The following PDE7B variants were observed in gnomAD, a reference collection of about 807,000 sequenced individuals.
PDE7B encodes 3',5'-cyclic-AMP phosphodiesterase 7B.
A neutral mutation model predicts 56.2 loss-of-function variants in PDE7B; 29 were observed. The ratio of observed to expected loss-of-function variants is 0.52; its 90% CI spans 0.38 to 0.70. The LOEUF is 0.70. PDE7B is among the 30% of genes least tolerant of loss of function. PDE7B has a pLI of 0.00. For synonymous variants in PDE7B, 197 were observed against 196.9 expected (o/e 1.00, Z 0.00); for missense variants, 490 against 565.0 (o/e 0.87, Z 1.35).
chr6:136,094,430 T>C (rs1777441038), intron 2 of PDE7B, among the ~76,000 whole-genome samples: 1 of 152,178 alleles, frequency 6.6e-6, no homozygotes, highest in African/African-American at 2.4e-5. Context: ...CTTGTTGTCC[T>C]GGATTTGCTG....
At chr6:135,908,580 G>A (rs1001108620) in intron 1 of PDE7B, among the ~76,000 whole-genome samples, 1 of 152,108 alleles carries the variant, frequency 6.6e-6, no homozygotes, top group African/African-American at 2.4e-5. Flanking sequence ...CAACTGAAAT[G>A]TCTACCAAGA....
At chr6:135,882,371 T>C (rs1382161870) in intron 1 of PDE7B, among the ~76,000 whole-genome samples, 1 of 152,122 alleles carries the variant, frequency 6.6e-6, no homozygotes, top group Non-Finnish European at 1.5e-5. Flanking sequence ...TATTTCCAAC[T>C]TTCTCTCCCT....
At chr6:135,975,837 G>A (rs868853475) in intron 2 of PDE7B, among the ~76,000 whole-genome samples, 7 of 152,084 alleles carry the variant, frequency 4.6e-5, no homozygotes, top group Non-Finnish European at 8.8e-5. Context: ...AGTCAGGACT[G>A]GGACAGTTGG....
At chr6:136,187,323 G>A (rs1180851145) in intron 12 of PDE7B, among the ~76,000 whole-genome samples, 2 of 152,176 alleles carry the variant, frequency 1.3e-5, no homozygotes, top group Non-Finnish European at 2.9e-5. Flanking sequence ...ACCTAGGATC[G>A]AAGCTTTGTT....
intron 6 of PDE7B, among the ~76,000 whole-genome samples, chr6:136,153,726 T>C (rs886628491): frequency 2.0e-5 from 3 of 152,170 alleles, no homozygotes; most frequent in Non-Finnish European, 2.9e-5. Flanking sequence ...GAAACTCAAT[T>C]AAACTATAGT....
At chr6:135,881,778 T>C (rs1775616139) in intron 1 of PDE7B, among the ~76,000 whole-genome samples, 1 of 152,228 alleles carries the variant, frequency 6.6e-6, no homozygotes, top group Admixed American at 6.5e-5. Context: ...CATGGGATTT[T>C]ATTTTAGAAG....
At chr6:135,895,182 G>A (rs533303722) in intron 1 of PDE7B, among the ~76,000 whole-genome samples, 17 of 152,182 alleles carry the variant, frequency 1.1e-4, no homozygotes, top group African/African-American at 2.2e-4. Context: ...TTGCCCATTG[G>A]CTTTTAGAAG....
chr6:135,864,940 C>T (rs1187574323), intron 1 of PDE7B, among the ~76,000 whole-genome samples: 1 of 121,322 alleles, frequency 8.2e-6, no homozygotes, highest in East Asian at 3.0e-4. Context: ...ATCCCTCCCC[C>T]CTCCCCCCAC....
intron 2 of PDE7B, among the ~76,000 whole-genome samples, chr6:136,058,897 A>G (rs1051464531): frequency 1.3e-5 from 2 of 152,248 alleles, no homozygotes; most frequent in Admixed American, 6.5e-5. Flanking sequence ...AGTGATTTAT[A>G]TAACGAATAG....
chr6:136,148,992 C>G, intron 4 of PDE7B, 95 bp from the exon 5 acceptor site: 1 of 871,342 alleles, frequency 1.1e-6, no homozygotes, highest in Non-Finnish European at 1.9e-6. Flanking sequence ...CTAGGATTTT[C>G]AACTTTTTAA....
intron 3 of PDE7B, among the ~76,000 whole-genome samples, chr6:136,122,404 T>A (rs1187469758): frequency 2.0e-5 from 3 of 152,210 alleles, no homozygotes; most frequent in African/African-American, 7.2e-5. Flanking sequence ...CTGCTTAATA[T>A]TAAAACTAAG....
intron 2 of PDE7B, among the ~76,000 whole-genome samples, chr6:136,043,442 A>G (rs1220298662): frequency 6.6e-6 from 1 of 151,828 alleles, no homozygotes; most frequent in Non-Finnish European, 1.5e-5. Context: ...TAAATTCTGC[A>G]TCTCCATTAC....
At chr6:136,063,941 C>A (rs1016566881) in intron 2 of PDE7B, among the ~76,000 whole-genome samples, 1 of 152,158 alleles carries the variant, frequency 6.6e-6, no homozygotes, top group African/African-American at 2.4e-5. Context: ...AATTCCCCTC[C>A]AACACCCATT....
At chr6:136,187,160 C>T (rs746112934) in intron 12 of PDE7B, 44 bp downstream of exon 12, 6 of 949,312 alleles carry the variant, frequency 6.3e-6, no homozygotes, top group South Asian at 4.2e-5. Flanking sequence ...ACCTTTGGCA[C>T]ATCTCACAAA....
intron 3 of PDE7B, among the ~76,000 whole-genome samples, chr6:136,139,700 T>G (rs958106715): frequency 1.1e-4 from 17 of 152,218 alleles, no homozygotes; most frequent in Non-Finnish European, 2.9e-5. Flanking sequence ...TGGTTTTGAT[T>G]TGCATTTCTC....
intron 1 of PDE7B, among the ~76,000 whole-genome samples, chr6:135,877,239 A>G (rs867890877): frequency 2.0e-4 from 30 of 149,590 alleles, no homozygotes; most frequent in South Asian, 1.3e-3. Context: ...TTCTTGATGG[A>G]TTTCCTTTCT....
At chr6:135,983,170 A>G (rs1221455866) in intron 2 of PDE7B, among the ~76,000 whole-genome samples, 3 of 152,198 alleles carry the variant, frequency 2.0e-5, no homozygotes, top group African/African-American at 7.2e-5. Context: ...AATTTAAGAC[A>G]CACACAGTGC....
At chr6:136,007,262 C>T (rs1775803400) in intron 2 of PDE7B, among the ~76,000 whole-genome samples, 1 of 152,150 alleles carries the variant, frequency 6.6e-6, no homozygotes, top group Admixed American at 6.6e-5. Context: ...ATGAAGCCTA[C>T]TTGATTATGA....
chr6:135,967,076 G>A (rs1775007595), intron 2 of PDE7B, among the ~76,000 whole-genome samples: 1 of 152,132 alleles, frequency 6.6e-6, no homozygotes, highest in African/African-American at 2.4e-5. Flanking sequence ...ACACACATCA[G>A]CCTGGAACCT....
Sources: allele counts gnomAD v4.1 joint callset (sites outside exome capture counted in the v4.1 genomes callset), GRCh38; gene constraint gnomAD v4.1.1; transcripts MANE v1.5; gene names NCBI Gene and HGNC (gene_info 2026-07-23, HGNC 2026-07-21).